Variants in GPR89A observed in about 807,000 individuals in gnomAD.
GPR89A encodes the protein G protein-coupled receptor 89A.
A neutral mutation model predicts 52.0 loss-of-function variants in GPR89A; 16 were observed. The ratio of observed to expected loss-of-function variants is 0.31; its 90% CI spans 0.21 to 0.47. The LOEUF (loss-of-function observed/expected upper bound fraction) is 0.47, where lower values mean the gene tolerates loss of function less well. Ranked by LOEUF, GPR89A falls within the 20% of genes least tolerant of loss-of-function variation. The pLI, the probability that GPR89A is intolerant of heterozygous loss-of-function variation, is 1.00. For synonymous variants in GPR89A, 55 were observed against 150.9 expected, an observed-to-expected ratio of 0.36 and a Z score of 4.66; for missense variants, 135 against 449.4, an observed-to-expected ratio of 0.30 and a Z score of 6.33.
chr1:145,609,367 C>T (rs1157603669), intron 1 of GPR89A, among the ~76,000 whole-genome samples: 6 of 152,200 alleles, frequency 3.9e-5, no homozygotes, highest in Non-Finnish European at 8.8e-5. Context: ...CATCCATAAT[C>T]CTACCACTCT....
Position 145,657,180 on chromosome 1 carries a change from G to T in GPR89A, c.910-6149G>T, listed in dbSNP as rs1413322478. Among the ~76,000 whole-genome samples, 554 of 149,298 alleles carry T rather than the reference G, an allele frequency of 3.7e-3. 11 individuals carry two copies. The highest frequency in any genetic ancestry group is 0.013 in the African/African-American group (514 of 39,396). Reference sequence around the variant, plus strand: ...AGGCTGAAGCAGGAGGACTGCTTGAGGCCAGGAATTTGAGACCAGCCTGGG... The same window carrying T: ...AGGCTGAAGCAGGAGGACTGCTTGATGCCAGGAATTTGAGACCAGCCTGGG... On this transcript the variant is annotated intron_variant, in intron 10 of 13. Coordinates refer to ENST00000313835, the MANE Select transcript of GPR89A (RefSeq NM_001097612.2).
At chr1:145,615,838 T>G (rs1401307918) in intron 1 of GPR89A, among the ~76,000 whole-genome samples, 1 of 152,136 alleles carries the variant, frequency 6.6e-6, no homozygotes, top group Non-Finnish European at 1.5e-5. Context: ...CAGACTGGTC[T>G]TGAACTCCTG....
intron 1 of GPR89A, among the ~76,000 whole-genome samples, chr1:145,615,103 A>G (rs756623535): frequency 6.6e-6 from 1 of 152,218 alleles, no homozygotes; most frequent in African/African-American, 2.4e-5. Flanking sequence ...GACCAGCTTT[A>G]TCAGCTGTCA....
At chr1:145,646,508 G>A (rs1449825956) in intron 9 of GPR89A, 9 of 476,272 alleles carry the variant, frequency 1.9e-5, no homozygotes, top group Middle Eastern at 5.7e-4. Context: ...GTCAGAAGAG[G>A]CTTTTCAACA....
intron 10 of GPR89A, among the ~76,000 whole-genome samples, chr1:145,654,277 G>T (rs1188743485): frequency 2.0e-5 from 3 of 152,070 alleles, no homozygotes; most frequent in Admixed American, 6.6e-5. Context: ...TGTTGAGCTG[G>T]GCGTGGTGGC....
chr1:145,634,833 TA>T (rs1553690469), intron 7 of GPR89A, among the ~76,000 whole-genome samples: 1 of 152,062 alleles, frequency 6.6e-6, no homozygotes. Flanking sequence ...TGCCTTCATT[TA>T]TTCATTCATA....
chr1:145,616,167 A>G, intron 1 of GPR89A, 67 bp from the exon 2 acceptor site: 3 of 1,098,412 alleles, frequency 2.7e-6, no homozygotes, highest in Non-Finnish European at 4.1e-6. Flanking sequence ...TTTATCATAA[A>G]AGAGTTTCTA....
At chr1:145,640,035 T>C (rs1650532728) in intron 7 of GPR89A, among the ~76,000 whole-genome samples, 1 of 151,924 alleles carries the variant, frequency 6.6e-6, no homozygotes, top group African/African-American at 2.4e-5. Flanking sequence ...CCGGCGAACA[T>C]GGTGAAACCC....
intron 2 of GPR89A, among the ~76,000 whole-genome samples, chr1:145,617,030 A>G (rs1398018223): frequency 4.6e-5 from 7 of 152,234 alleles, no homozygotes; most frequent in Admixed American, 1.3e-4. Flanking sequence ...AATAGGGTTC[A>G]AGAGCAGACA....
chr1:145,637,097 G>T (rs1267118189), intron 7 of GPR89A, among the ~76,000 whole-genome samples: 20 of 152,174 alleles, frequency 1.3e-4, no homozygotes, highest in African/African-American at 4.1e-4. Context: ...GTCTATGCTT[G>T]ATATACTGAA....
At chr1:145,665,374 T>C (rs1553696251) in intron 11 of GPR89A, among the ~76,000 whole-genome samples, 188 bp from the exon 12 acceptor site, 4 of 152,086 alleles carry the variant, frequency 2.6e-5, no homozygotes, top group Non-Finnish European at 5.9e-5. Context: ...ATTAAGGTAT[T>C]TACTGCAGTC....
intron 12 of GPR89A, among the ~76,000 whole-genome samples, chr1:145,668,125 G>A (rs1254416134): frequency 6.6e-6 from 1 of 152,156 alleles, no homozygotes; most frequent in Non-Finnish European, 1.5e-5. Context: ...TTGGTAGCTT[G>A]ATGTGGATGG....
intron 7 of GPR89A, among the ~76,000 whole-genome samples, chr1:145,641,878 T>C: frequency 6.6e-6 from 1 of 152,248 alleles, no homozygotes; most frequent in East Asian, 1.9e-4. Context: ...TTCATTCCTA[T>C]TCACGCTTCG....
Position 145,619,555 on chromosome 1 carries a change from A to G in GPR89A, c.206+1132A>G, listed in dbSNP as rs587762019. Among the ~76,000 whole-genome samples the G allele has an allele frequency of 6.5e-3, 981 of 152,040 alleles. 8 individuals carry two copies. The highest frequency in any genetic ancestry group is 0.017 in the Middle Eastern group (5 of 294). On this transcript the variant is annotated intron_variant, in intron 3 of 13. Coordinates refer to ENST00000313835, the MANE Select transcript of GPR89A (RefSeq NM_001097612.2). ...TGAGCCCAGGAGTTTGAGGATATGC[A>G]GTGAGCTGTGATCACTGGACAAGAC...
chr1:145,647,730 G>A (rs60234146), intron 10 of GPR89A, among the ~76,000 whole-genome samples: 8,686 of 144,768 alleles, frequency 0.06, 431 homozygotes, highest in African/African-American at 0.14. Context: ...GCTTGAACCC[G>A]AGAGGCGGAC....
rs587701437 is a variant in GPR89A, at chr1:145,640,027, G to A, written c.618-3842G>A. ...AAGGTCAGGAGTTCAAGACTAGACC[G>A]GCGAACATGGTGAAACCCCGTCTCT... On this transcript the variant is annotated intron_variant, in intron 7 of 13. Coordinates refer to ENST00000313835, the MANE Select transcript of GPR89A (RefSeq NM_001097612.2). Among the ~76,000 whole-genome samples the A allele has an allele frequency of 6.6e-5, 10 of 152,100 alleles. No individual in the cohort carries two copies. In the South Asian group the frequency reaches 1.5e-3, roughly 22 times the overall value.
intron 12 of GPR89A, among the ~76,000 whole-genome samples, chr1:145,668,345 C>G (rs587734233): frequency 6.6e-6 from 1 of 151,938 alleles, no homozygotes; most frequent in African/African-American, 2.4e-5. Context: ...TGTGAATGGG[C>G]GTTCACTCAT....
In GPR89A at chr1:145,608,057, GAGGGGGCCTGTGGCCCC is replaced by G; in HGVS notation, c.-74_-58del. The G allele has an allele frequency of 1.3e-6, 2 of 1,574,408 alleles. No homozygotes were observed. The highest frequency in any genetic ancestry group is 1.7e-6 in the Non-Finnish European group (2 of 1,147,380). On this transcript the variant is annotated 5_prime_UTR_variant, in exon 1 of 14. Transcript: ENST00000313835. ...GCACCTGGGAGAAGGCAGACCGTGT[GAGGGGGCCTGTGGCCCC>G]AGCGTGCTGTGGCCTCGGGGAGTGG... is the stretch of plus-strand genomic sequence containing the variant.
chr1:145,647,135 AT>A, intron 9 of GPR89A, 39 bp from the exon 10 acceptor site: 1 of 1,539,046 alleles, frequency 6.5e-7, no homozygotes, highest in Non-Finnish European at 8.8e-7. Context: ...ATAAATTTAT[AT>A]TTTGCTGAAA....
Sources: gnomAD v4.1 joint callset for allele counts (sites outside exome capture counted in the v4.1 genomes callset) on GRCh38, gnomAD v4.1.1 for gene constraint, MANE v1.5 for transcripts, NCBI Gene and HGNC (gene_info 2026-07-23, HGNC 2026-07-21) for gene names.